CALN1: variants seen among roughly 807,000 people sequenced by gnomAD.
CALN1 encodes calcium-binding protein 8.
CALN1 carries 17 observed loss-of-function variants against 30.6 expected under a neutral mutation model. The ratio of observed to expected loss-of-function variants is 0.56; its 90% CI spans 0.38 to 0.83. The LOEUF (loss-of-function observed/expected upper bound fraction) is 0.83, where lower values mean the gene tolerates loss of function less well. Among genes scored for constraint, CALN1 ranks in the 40% least tolerant of loss-of-function variants. The pLI, the probability that CALN1 is intolerant of heterozygous loss-of-function variation, is 0.00. For synonymous variants in CALN1, 156 were observed against 131.4 expected (o/e 1.19, Z -1.28); for missense variants, 291 against 354.9 (o/e 0.82, Z 1.45).
chr7:72,470,675 A>G, the CALN1 span, among the ~76,000 whole-genome samples: 1 of 152,214 alleles, frequency 6.6e-6, no homozygotes, highest in Admixed American at 6.5e-5. Context: ...AAAATTAAAC[A>G]ATAAAATAAA....
chr7:71,857,697 G>A (rs1042056865), intron 5 of CALN1, among the ~76,000 whole-genome samples: 3 of 152,152 alleles, frequency 2.0e-5, no homozygotes, highest in African/African-American at 4.8e-5. Flanking sequence ...AGGGCTCTGC[G>A]ATCCTTCATT....
chr7:71,810,612 T>C, intron 5 of CALN1, 120 bp from the exon 6 acceptor site: 1 of 933,532 alleles, frequency 1.1e-6, no homozygotes, highest in Non-Finnish European at 1.6e-6. Flanking sequence ...TTTCAGGATA[T>C]CAGGTGAACA....
upstream of CALN1, among the ~76,000 whole-genome samples, chr7:72,449,986 C>T (rs2969138): frequency 0.35 from 53,062 of 151,498 alleles, 10,118 homozygotes; most frequent in South Asian, 0.47. Flanking sequence ...AGGGAGGATC[C>T]CTTGGGGCCA....
chr7:72,141,417 T>G lies in CALN1; in HGVS notation c.245-35123A>C, dbSNP rs367804346. Among the ~76,000 whole-genome samples, 65 of 152,044 alleles carry G rather than the reference T, an allele frequency of 4.3e-4. 1 individual carries two copies. Among genetic ancestry groups the G allele is most frequent in the Admixed American group, 1.6e-3 (24 of 15,266 alleles). ...GAGTTCGAGACCAGCCCTGGCAACATGGTGAAACCCAGTCTGTACTAAAAA... is the reference window on the plus strand; with the variant it reads ...GAGTTCGAGACCAGCCCTGGCAACAGGGTGAAACCCAGTCTGTACTAAAAA... On this transcript the variant is annotated intron_variant, in intron 3 of 6. Transcript: ENST00000395275.
At position 71,787,726 on chromosome 7, in the gene CALN1, C is replaced by G; in HGVS notation, c.*49G>C. The G allele has an allele frequency of 1.9e-6, 3 of 1,605,804 alleles. No homozygotes were observed. Among genetic ancestry groups the G allele is most frequent in the Non-Finnish European group, 2.6e-6 (3 of 1,175,868 alleles). ...GTGGAGGAAGAGTCTGCCCGCACGG[C>G]ATGCACATGCGCGGTGAGCTGCAAC... is the stretch of plus-strand genomic sequence containing the variant. On this transcript the variant is annotated 3_prime_UTR_variant, in exon 7 of 7. Coordinates refer to ENST00000395275, the MANE Select transcript of CALN1 (RefSeq NM_031468.4).
intron 4 of CALN1, among the ~76,000 whole-genome samples, chr7:72,045,068 G>GC (rs1802383607): frequency 6.6e-6 from 1 of 152,184 alleles, no homozygotes; most frequent in Non-Finnish European, 1.5e-5. Context: ...AAGTCTCCAT[G>GC]CAACTAGAAA....
chr7:72,328,952 C>A (rs1273439997), intron 2 of CALN1, among the ~76,000 whole-genome samples: 2 of 152,244 alleles, frequency 1.3e-5, no homozygotes, highest in Non-Finnish European at 2.9e-5. Flanking sequence ...CCATCTCGGC[C>A]TCCCAAAGTG....
chr7:71,984,903 T>C (rs1798583321), intron 5 of CALN1, among the ~76,000 whole-genome samples: 2 of 152,174 alleles, frequency 1.3e-5, no homozygotes, highest in Admixed American at 6.5e-5. Context: ...TCCTCATTCA[T>C]TACTGCCCAG....
chr7:72,396,917 AG>A (rs989793280), intron 2 of CALN1, among the ~76,000 whole-genome samples: 12 of 152,114 alleles, frequency 7.9e-5, no homozygotes, highest in African/African-American at 2.9e-4. Context: ...TAAAAGTAGT[AG>A]TAGAACTAGT....
chr7:71,842,148 C>G (rs898958228), intron 5 of CALN1, among the ~76,000 whole-genome samples: 1 of 152,178 alleles, frequency 6.6e-6, no homozygotes, highest in Non-Finnish European at 1.5e-5. Flanking sequence ...GGCAGCAACT[C>G]ACGTGTCTGC....
chr7:72,226,920 C>G (rs1284066351), intron 3 of CALN1, among the ~76,000 whole-genome samples: 1 of 152,002 alleles, frequency 6.6e-6, no homozygotes, highest in South Asian at 2.1e-4. Flanking sequence ...GTCTATAGTT[C>G]CAGCTACCTG....
At chr7:72,184,577 T>A (rs1447599158) in intron 3 of CALN1, among the ~76,000 whole-genome samples, 2 of 152,192 alleles carry the variant, frequency 1.3e-5, no homozygotes, top group Non-Finnish European at 2.9e-5. Context: ...TTACCTTGCA[T>A]CCTCTGTCGT....
In CALN1 at chr7:72,434,065, GA is replaced by G. The variant is rs796743589; in HGVS notation, c.-226+12976del. Among the ~76,000 whole-genome samples, 491 of 140,470 alleles carry G rather than the reference GA, an allele frequency of 3.5e-3. 2 individuals carry two copies. The highest frequency in any genetic ancestry group is 0.011 in the African/African-American group (407 of 38,414). The allele number at this position is 140,470 out of a possible 152,430, so 92.2% of individuals were successfully genotyped here. A position where few individuals can be genotyped will look rare whatever the true frequency, so the allele number is the denominator to read the frequency against. ...AAAAAGTGAGACCCTGTTCCTGAAAGAAAAAAAAAAAACTGCATATTGGATT... is the reference window on the plus strand; with the variant it reads ...AAAAAGTGAGACCCTGTTCCTGAAAGAAAAAAAAAAACTGCATATTGGATT... On this transcript the variant is annotated intron_variant, in intron 1 of 6. Transcript: ENST00000395276.
At chr7:72,258,253 C>A (rs1796045537) in intron 3 of CALN1, among the ~76,000 whole-genome samples, 1 of 152,190 alleles carries the variant, frequency 6.6e-6, no homozygotes, top group Non-Finnish European at 1.5e-5. Flanking sequence ...ATCCATGGGG[C>A]AGCCCTAATT....
At chr7:72,469,272 A>C in the CALN1 span, among the ~76,000 whole-genome samples, 2 of 152,140 alleles carry the variant, frequency 1.3e-5, no homozygotes, top group South Asian at 2.1e-4. Context: ...ATACAACTTC[A>C]TTCTTTTTCA....
chr7:72,028,718 G>A (rs955416151), intron 4 of CALN1, among the ~76,000 whole-genome samples: 1 of 152,172 alleles, frequency 6.6e-6, no homozygotes, highest in South Asian at 2.1e-4. Flanking sequence ...TTGGCCAGGC[G>A]CAGTGGCTCA....
At chr7:72,340,168 T>C (rs897108029) in intron 2 of CALN1, among the ~76,000 whole-genome samples, 2 of 152,210 alleles carry the variant, frequency 1.3e-5, no homozygotes, top group South Asian at 2.1e-4. Context: ...GAACATTCTT[T>C]TCTGCAAACC....
chr7:71,962,403 C>T (rs1584619930), intron 5 of CALN1, among the ~76,000 whole-genome samples: 1 of 151,890 alleles, frequency 6.6e-6, no homozygotes, highest in East Asian at 1.9e-4. Context: ...ACCCAGCCTC[C>T]AATAAATTAA....
chr7:72,261,438 T>C (rs1223353522), intron 3 of CALN1, among the ~76,000 whole-genome samples: 1 of 151,618 alleles, frequency 6.6e-6, no homozygotes, highest in African/African-American at 2.4e-5. Flanking sequence ...TTTTTTTTTT[T>C]CTTAGAGTAT....
Sources: gnomAD v4.1 joint callset for allele counts (sites outside exome capture counted in the v4.1 genomes callset) on GRCh38, gnomAD v4.1.1 for gene constraint, MANE v1.5 for transcripts, NCBI Gene and HGNC (gene_info 2026-07-23, HGNC 2026-07-21) for gene names.